CNTN5: variants seen among roughly 807,000 people sequenced by gnomAD.
The protein encoded by CNTN5 is contactin 5, also known as contactin-5.
A neutral mutation model predicts 129.1 loss-of-function variants in CNTN5; 77 were observed. The observed-to-expected ratio is 0.60, with a 90% CI of 0.50 to 0.72. The LOEUF (loss-of-function observed/expected upper bound fraction) is 0.72, where lower values mean the gene tolerates loss of function less well. Among genes scored for constraint, CNTN5 ranks in the 30% least tolerant of loss-of-function variants. The pLI is 0.00. For synonymous variants in CNTN5, 509 were observed against 465.6 expected, an observed-to-expected ratio of 1.09 and a Z score of -1.20; for missense variants, 1,478 against 1,328.8, an observed-to-expected ratio of 1.11 and a Z score of -1.75.
At chr11:99,148,107 T>G (rs1462128962) in intron 1 of CNTN5, among the ~76,000 whole-genome samples, 1 of 152,108 alleles carries the variant, frequency 6.6e-6, no homozygotes, top group African/African-American at 2.4e-5. Flanking sequence ...GTATGTAGTC[T>G]TTTATGCGCC....
At chr11:99,994,325 T>A (rs1245539920) in intron 8 of CNTN5, among the ~76,000 whole-genome samples, 1 of 152,090 alleles carries the variant, frequency 6.6e-6, no homozygotes, top group Non-Finnish European at 1.5e-5. Flanking sequence ...TCGTACAACC[T>A]TGGTACCTTA....
intron 6 of CNTN5, among the ~76,000 whole-genome samples, chr11:99,874,044 G>A (rs531748018): frequency 6.6e-6 from 1 of 152,128 alleles, no homozygotes; most frequent in Non-Finnish European, 1.5e-5. Context: ...AGAAAGAATA[G>A]GCTCTGGGAA....
At chr11:99,327,573 A>G (rs1865837527) in intron 2 of CNTN5, among the ~76,000 whole-genome samples, 1 of 152,204 alleles carries the variant, frequency 6.6e-6, no homozygotes, top group African/African-American at 2.4e-5. Context: ...ATTGAAAAGC[A>G]TATTGGTAGA....
chr11:99,103,741 T>A (rs552195558), intron 1 of CNTN5, among the ~76,000 whole-genome samples: 52 of 145,252 alleles, frequency 3.6e-4, no homozygotes, highest in Non-Finnish European at 6.0e-4. Context: ...AGGTGAACCA[T>A]AAATCTAATG....
At chr11:99,903,085 A>T (rs950403884) in intron 6 of CNTN5, among the ~76,000 whole-genome samples, 5 of 152,096 alleles carry the variant, frequency 3.3e-5, no homozygotes, top group African/African-American at 1.2e-4. Flanking sequence ...TACTTGATTA[A>T]ACTATACAAC....
intron 13 of CNTN5, among the ~76,000 whole-genome samples, chr11:100,161,227 A>G (rs1947434744): frequency 6.6e-6 from 1 of 151,928 alleles, no homozygotes; most frequent in Non-Finnish European, 1.5e-5. Flanking sequence ...AGAGAGCTGT[A>G]TAGCTAGTGG....
intron 13 of CNTN5, among the ~76,000 whole-genome samples, chr11:100,085,534 T>A (rs1174874778): frequency 6.6e-6 from 1 of 151,836 alleles, no homozygotes; most frequent in East Asian, 1.9e-4. Flanking sequence ...GAGAATCCCA[T>A]CTCCCAAGGA....
rs973354535 is a variant in CNTN5, at chr11:99,278,127, CACACAGTG to C, written c.-209-47218_-209-47211del. On this transcript the variant is annotated intron_variant, in intron 1 of 24. Coordinates refer to ENST00000524871, the MANE Select transcript of CNTN5 (RefSeq NM_014361.4). Reference sequence around the variant, plus strand: ...CTGATATTCAGGAGCCTTTTTTCCTCACACAGTGTCAGTGTTTCCTTTAGCAAAACGAG... The same window carrying C: ...CTGATATTCAGGAGCCTTTTTTCCTCTCAGTGTTTCCTTTAGCAAAACGAG... Among the ~76,000 whole-genome samples the C allele has an allele frequency of 2.0e-5, 3 of 151,674 alleles. No individual in the cohort carries two copies. The Admixed American group carries it at 2.0e-4, about 10-fold the overall frequency.
intron 18 of CNTN5, among the ~76,000 whole-genome samples, chr11:100,279,595 G>C (rs1950588189): frequency 6.6e-6 from 1 of 151,674 alleles, no homozygotes; most frequent in South Asian, 2.1e-4. Flanking sequence ...CAATTTATTG[G>C]CACATAGTTG....
intron 8 of CNTN5, among the ~76,000 whole-genome samples, chr11:99,997,069 A>T (rs1343782102): frequency 6.6e-6 from 1 of 152,172 alleles, no homozygotes. Context: ...TTTAGCATTA[A>T]TCCAAAACTC....
intron 13 of CNTN5, among the ~76,000 whole-genome samples, chr11:100,183,079 G>A (rs540238079): frequency 1.3e-5 from 2 of 152,220 alleles, no homozygotes; most frequent in South Asian, 4.1e-4. Flanking sequence ...CTACCTACTT[G>A]TTATGATAGC....
At chr11:99,938,918 T>G (rs1241472306) in intron 7 of CNTN5, among the ~76,000 whole-genome samples, 1 of 152,114 alleles carries the variant, frequency 6.6e-6, no homozygotes, top group Non-Finnish European at 1.5e-5. Context: ...AAAATCTAAT[T>G]GCCTTATATC....
chr11:100,060,578 A>G (rs1943422726), intron 9 of CNTN5, among the ~76,000 whole-genome samples: 1 of 151,924 alleles, frequency 6.6e-6, no homozygotes, highest in Admixed American at 6.6e-5. Flanking sequence ...CAATAAGCAC[A>G]TATATGTTAG....
chr11:99,580,787 G>T, intron 3 of CNTN5, among the ~76,000 whole-genome samples: 1 of 131,006 alleles, frequency 7.6e-6, no homozygotes. Flanking sequence ...ACCAGCTCCT[G>T]GATTCATTGA....
In CNTN5 at chr11:99,247,346, ACT is replaced by A. The variant is rs1188099938; in HGVS notation, c.-209-77997_-209-77996del. Among the ~76,000 whole-genome samples, 4 of 151,824 alleles carry A rather than the reference ACT, an allele frequency of 2.6e-5. No homozygotes were observed. The East Asian group carries it at 5.8e-4, about 22-fold the overall frequency. On this transcript the variant is annotated intron_variant, in intron 1 of 24. Transcript: ENST00000524871. The stretch of plus-strand genomic sequence containing the variant: ...AGTAAAGAGCATGATTCATGTAAAG[ACT>A]CTACTCCAAAGTCTGATGTACCATA...
At chr11:99,672,529 C>T (rs372579753) in intron 3 of CNTN5, among the ~76,000 whole-genome samples, 1 of 151,538 alleles carries the variant, frequency 6.6e-6, no homozygotes, top group Non-Finnish European at 1.5e-5. Context: ...GCTGTCCAAG[C>T]AAATTCTTAC....
chr11:99,478,839 A>G (rs1298034113), intron 2 of CNTN5, among the ~76,000 whole-genome samples: 1 of 152,162 alleles, frequency 6.6e-6, no homozygotes, highest in African/African-American at 2.4e-5. Context: ...TATTGATTCT[A>G]TTTAATAGAT....
intron 6 of CNTN5, among the ~76,000 whole-genome samples, chr11:99,868,005 A>T (rs1948400142): frequency 6.6e-6 from 1 of 152,172 alleles, no homozygotes; most frequent in Admixed American, 6.5e-5. Flanking sequence ...ACCTGAGGTC[A>T]GGAGTTCGAG....
chr11:99,790,879 C>G (rs1296766206), intron 3 of CNTN5, among the ~76,000 whole-genome samples: 4 of 151,752 alleles, frequency 2.6e-5, no homozygotes, highest in African/African-American at 9.7e-5. Flanking sequence ...TTGTCTTATT[C>G]TGCTTTTGAT....
Sources: gnomAD v4.1 joint callset for allele counts (sites outside exome capture counted in the v4.1 genomes callset) on GRCh38, gnomAD v4.1.1 for gene constraint, MANE v1.5 for transcripts, NCBI Gene and HGNC (gene_info 2026-07-23, HGNC 2026-07-21) for gene names.